IMMP2L: variants seen among roughly 807,000 people sequenced by gnomAD.
The protein encoded by IMMP2L is inner mitochondrial membrane peptidase subunit 2, also known as mitochondrial inner membrane protease subunit 2.
IMMP2L carries 18 observed loss-of-function variants against 19.3 expected under a neutral mutation model. That is an observed-to-expected ratio of 0.93 (90% CI 0.64 to 1.38). The LOEUF (loss-of-function observed/expected upper bound fraction) is 1.38. IMMP2L is among the 40% of genes most tolerant of loss of function. The pLI is 0.00. For synonymous variants in IMMP2L, 76 were observed against 73.0 expected (o/e 1.04, Z -0.21); for missense variants, 233 against 218.2 (o/e 1.07, Z -0.43).
At chr7:111,560,054 T>C (rs1482603323) in intron 1 of IMMP2L, among the ~76,000 whole-genome samples, 2 of 152,206 alleles carry the variant, frequency 1.3e-5, no homozygotes, top group African/African-American at 4.8e-5. Flanking sequence ...GTTCCATATA[T>C]AATACGCAGT....
At chr7:111,453,048 T>TAG (rs1839359858) in intron 3 of IMMP2L, among the ~76,000 whole-genome samples, 1 of 152,110 alleles carries the variant, frequency 6.6e-6, no homozygotes, top group Non-Finnish European at 1.5e-5. Flanking sequence ...CCACCTGAGG[T>TAG]AGCACTACCT....
chr7:110,835,999 GA>G (rs1340213865), intron 5 of IMMP2L, among the ~76,000 whole-genome samples: 1 of 152,058 alleles, frequency 6.6e-6, no homozygotes, highest in East Asian at 1.9e-4. Context: ...TTTGTAGCTA[GA>G]AGCACCTACA....
intron 3 of IMMP2L, among the ~76,000 whole-genome samples, chr7:111,088,723 T>C (rs541693324): frequency 6.6e-6 from 1 of 152,328 alleles, no homozygotes; most frequent in Admixed American, 6.5e-5. Context: ...AACGTCTTCA[T>C]ATGGTACTTC....
chr7:110,979,548 A>T (rs1821035732), intron 3 of IMMP2L, among the ~76,000 whole-genome samples: 1 of 152,174 alleles, frequency 6.6e-6, no homozygotes, highest in African/African-American at 2.4e-5. Flanking sequence ...AATTATCTAA[A>T]GAATTCTATC....
At chr7:111,323,637 C>T (rs1311237577) in intron 3 of IMMP2L, among the ~76,000 whole-genome samples, 1 of 152,130 alleles carries the variant, frequency 6.6e-6, no homozygotes, top group Non-Finnish European at 1.5e-5. Flanking sequence ...CATCCCATTA[C>T]TGGGTATATA....
At chr7:111,320,423 TGATTTTATCA>T (rs1824563348) in intron 3 of IMMP2L, among the ~76,000 whole-genome samples, 1 of 152,094 alleles carries the variant, frequency 6.6e-6, no homozygotes, top group Non-Finnish European at 1.5e-5. Context: ...CTGACCTAGG[TGATTTTATCA>T]GTTTCCTAAC....
chr7:110,799,562 T>C (rs1801100473), intron 5 of IMMP2L, among the ~76,000 whole-genome samples: 1 of 152,014 alleles, frequency 6.6e-6, no homozygotes. Context: ...ATCCTTTGCA[T>C]TTAACATATG....
chr7:111,333,338 T>C (rs979805416), intron 3 of IMMP2L, among the ~76,000 whole-genome samples: 23 of 152,150 alleles, frequency 1.5e-4, no homozygotes, highest in Admixed American at 4.6e-4. Flanking sequence ...TTCATTGACT[T>C]GCTATCAGCA....
At chr7:111,422,927 AG>A (rs1314621433) in intron 3 of IMMP2L, among the ~76,000 whole-genome samples, 5 of 151,942 alleles carry the variant, frequency 3.3e-5, no homozygotes, top group Admixed American at 2.0e-4. Flanking sequence ...TTTAGCATGA[AG>A]GGGTGTTGAA....
chr7:111,068,170 C>G (rs1266288815), intron 3 of IMMP2L, among the ~76,000 whole-genome samples: 2 of 152,030 alleles, frequency 1.3e-5, no homozygotes, highest in African/African-American at 4.8e-5. Context: ...TACATACATA[C>G]ATCAAGAGAC....
At chr7:111,460,831 C>T (rs1290981426) in intron 3 of IMMP2L, among the ~76,000 whole-genome samples, 5 of 151,848 alleles carry the variant, frequency 3.3e-5, no homozygotes, top group African/African-American at 9.7e-5. Context: ...ATATTGAACC[C>T]CAGGCAAAAG....
chr7:110,715,752 T>C (rs76331983), intron 5 of IMMP2L, among the ~76,000 whole-genome samples: 1 of 152,288 alleles, frequency 6.6e-6, no homozygotes, highest in East Asian at 1.9e-4. Flanking sequence ...GAGCGCTCTG[T>C]AGATGTTTGT....
chr7:111,257,410 T>C (rs950515498), intron 3 of IMMP2L, among the ~76,000 whole-genome samples: 14 of 152,166 alleles, frequency 9.2e-5, no homozygotes, highest in African/African-American at 3.4e-4. Flanking sequence ...CAATTGCAAG[T>C]TTAAATAACT....
chr7:111,528,624 C>A (rs902010533), intron 1 of IMMP2L, among the ~76,000 whole-genome samples: 5 of 152,082 alleles, frequency 3.3e-5, no homozygotes, highest in African/African-American at 1.2e-4. Flanking sequence ...CTTGATCATG[C>A]ATTAATTCAT....
chr7:110,920,179 G>A (rs1053595158), intron 4 of IMMP2L, among the ~76,000 whole-genome samples: 2 of 152,128 alleles, frequency 1.3e-5, no homozygotes, highest in Non-Finnish European at 2.9e-5. Flanking sequence ...ACAGCCTATC[G>A]TGGCCTGTTG....
At chr7:110,913,518 C>A (rs1813277042) in intron 4 of IMMP2L, among the ~76,000 whole-genome samples, 1 of 152,104 alleles carries the variant, frequency 6.6e-6, no homozygotes, top group African/African-American at 2.4e-5. Context: ...CCTGCATAGA[C>A]ATTTTTCCAA....
intron 5 of IMMP2L, among the ~76,000 whole-genome samples, chr7:110,769,977 G>A (rs1016126233): frequency 6.6e-6 from 1 of 152,026 alleles, no homozygotes; most frequent in Non-Finnish European, 1.5e-5. Context: ...ATAATGGGTC[G>A]CCCTTGTTCA....
At chr7:111,529,429 A>C (rs1444188158) in intron 1 of IMMP2L, among the ~76,000 whole-genome samples, 1 of 152,200 alleles carries the variant, frequency 6.6e-6, no homozygotes, top group Admixed American at 6.5e-5. Context: ...CTCCTTTCAC[A>C]TTATAAGTAA....
In IMMP2L at chr7:110,864,336, A is replaced by C. The variant is rs574314719; in HGVS notation, c.408+22257T>G. Among the ~76,000 whole-genome samples the C allele has an allele frequency of 5.3e-5, 8 of 152,230 alleles. No homozygotes were observed. In the South Asian group the frequency reaches 1.7e-3, roughly 32 times the overall value. On this transcript the variant is annotated intron_variant, in intron 5 of 5. Coordinates refer to ENST00000405709, the MANE Select transcript of IMMP2L (RefSeq NM_032549.4). ...ATGAGATGACATATCAATTGAAATA[A>C]AGGTAGTAGTACAGTTGGTATGAAT... is the stretch of plus-strand genomic sequence containing the variant.
Sources: gnomAD v4.1 joint callset for allele counts (sites outside exome capture counted in the v4.1 genomes callset) on GRCh38, gnomAD v4.1.1 for gene constraint, MANE v1.5 for transcripts, NCBI Gene and HGNC (gene_info 2026-07-23, HGNC 2026-07-21) for gene names.